The following SLCO3A1 variants were observed in gnomAD, a reference collection of about 807,000 sequenced individuals.
SLCO3A1 encodes the protein solute carrier organic anion transporter family member 3A1.
A neutral mutation model predicts 63.1 loss-of-function variants in SLCO3A1; 27 were observed. The ratio of observed to expected loss-of-function variants is 0.43; its 90% CI spans 0.32 to 0.59. The LOEUF (loss-of-function observed/expected upper bound fraction) is 0.59. Among genes scored for constraint, SLCO3A1 ranks in the 20% least tolerant of loss-of-function variants. The pLI, the probability that SLCO3A1 is intolerant of heterozygous loss-of-function variation, is 0.09. For missense variants in SLCO3A1, 773 were observed against 945.8 expected (o/e 0.82, Z 2.40); for synonymous variants, 473 against 409.9 (o/e 1.15, Z -1.86).
chr15:91,995,275 G>A (rs757750586), intron 2 of SLCO3A1, among the ~76,000 whole-genome samples: 4 of 152,296 alleles, frequency 2.6e-5, no homozygotes, highest in African/African-American at 4.8e-5. Context: ...GCTATCTGAC[G>A]TGAGACTTCG....
intron 2 of SLCO3A1, among the ~76,000 whole-genome samples, chr15:92,091,211 T>G (rs1021003725): frequency 9.9e-5 from 15 of 152,142 alleles, no homozygotes; most frequent in African/African-American, 3.6e-4. Context: ...GCATGTAAAG[T>G]GCTTTCAATT....
At chr15:91,955,742 C>T (rs1215992978) in intron 2 of SLCO3A1, among the ~76,000 whole-genome samples, 2 of 152,204 alleles carry the variant, frequency 1.3e-5, no homozygotes, top group Non-Finnish European at 2.9e-5. Flanking sequence ...TTTGTATTCC[C>T]TCTTCATGGC....
chr15:92,086,698 G>A (rs868203119), intron 2 of SLCO3A1, among the ~76,000 whole-genome samples: 1 of 152,000 alleles, frequency 6.6e-6, no homozygotes, highest in Non-Finnish European at 1.5e-5. Flanking sequence ...TCTTTCAGCC[G>A]GGCGCAGTGG....
chr15:92,144,031 T>C (rs1349878350), intron 7 of SLCO3A1, among the ~76,000 whole-genome samples: 1 of 152,210 alleles, frequency 6.6e-6, no homozygotes, highest in African/African-American at 2.4e-5. Context: ...CGGCGCCAAG[T>C]CGGGAGTGCT....
intron 2 of SLCO3A1, among the ~76,000 whole-genome samples, chr15:92,082,243 A>T (rs1228642375): frequency 6.6e-6 from 1 of 152,232 alleles, no homozygotes. Flanking sequence ...ATTCATGCAC[A>T]TATGATGCAG....
chr15:92,101,080 G>A (rs769609071), intron 3 of SLCO3A1, among the ~76,000 whole-genome samples: 23 of 152,116 alleles, frequency 1.5e-4, no homozygotes, highest in Non-Finnish European at 2.2e-4. Flanking sequence ...CTACCACACC[G>A]TCCTCTTCCA....
At chr15:92,123,052 G>A (rs1028393255) in intron 5 of SLCO3A1, among the ~76,000 whole-genome samples, 1 of 152,198 alleles carries the variant, frequency 6.6e-6, no homozygotes, top group Non-Finnish European at 1.5e-5. Flanking sequence ...AGTTACAGGG[G>A]TGTGTACAGA....
At chr15:92,067,301 G>T (rs191038795) in intron 2 of SLCO3A1, among the ~76,000 whole-genome samples, 3 of 152,158 alleles carry the variant, frequency 2.0e-5, no homozygotes, top group African/African-American at 7.2e-5. Context: ...GGCCAAGTTC[G>T]ATCCCCTCCT....
downstream of SLCO3A1, among the ~76,000 whole-genome samples, chr15:92,168,061 G>C (rs2048502829): frequency 6.6e-6 from 1 of 152,208 alleles, no homozygotes; most frequent in Non-Finnish European, 1.5e-5. Context: ...AAGTGGAAAA[G>C]TTTTGGTCCC....
intron 6 of SLCO3A1, among the ~76,000 whole-genome samples, chr15:92,128,010 C>T (rs1212354448): frequency 6.6e-6 from 1 of 152,284 alleles, no homozygotes. Context: ...CCAACTGCCA[C>T]CAGCCCAGAG....
intron 2 of SLCO3A1, among the ~76,000 whole-genome samples, chr15:91,918,771 T>C (rs188962310): frequency 6.6e-6 from 1 of 152,310 alleles, no homozygotes; most frequent in African/African-American, 2.4e-5. Context: ...CTGAACAGGA[T>C]TGATATAAAA....
In SLCO3A1 at chr15:91,966,296, C is replaced by T. The variant is rs562569753; in HGVS notation, c.646+49838C>T. Among the ~76,000 whole-genome samples the T allele has an allele frequency of 5.3e-5, 8 of 152,218 alleles. No individual in the cohort carries two copies. In the East Asian group the frequency reaches 7.7e-4, roughly 15 times the overall value. On this transcript the variant is annotated intron_variant, in intron 2 of 9. Transcript: ENST00000318445. ...AAAAGAGTTCAGGCTTTGTACTGAC[C>T]GAGGCCAGCACTGACACCAGTGCAG...
chr15:92,091,883 G>A (rs966241254), intron 2 of SLCO3A1, among the ~76,000 whole-genome samples: 2 of 152,202 alleles, frequency 1.3e-5, no homozygotes, highest in African/African-American at 4.8e-5. Flanking sequence ...ACAGGACCTT[G>A]AAAAAGCCAC....
In SLCO3A1 at chr15:91,884,298, T is replaced by C. The variant is rs147756383; in HGVS notation, c.180+30210T>C. ...CTGAGGTGGGTGGATCACCTGAGAT[T>C]GGGAGTTCAAGACCAGACTGGCCAA... On this transcript the variant is annotated intron_variant, in intron 1 of 9. Coordinates refer to ENST00000318445, the MANE Select transcript of SLCO3A1 (RefSeq NM_013272.4). Among the ~76,000 whole-genome samples the C allele has an allele frequency of 2.8e-4, 43 of 152,078 alleles. 1 individual carries two copies. In the East Asian group the frequency reaches 7.5e-3, roughly 27 times the overall value.
chr15:91,988,730 G>A (rs2046087549), intron 2 of SLCO3A1, among the ~76,000 whole-genome samples: 1 of 152,160 alleles, frequency 6.6e-6, no homozygotes. Context: ...CCCAGGTGAT[G>A]CTGATGCTGC....
At chr15:91,873,675 C>A (rs1415180472) in intron 1 of SLCO3A1, among the ~76,000 whole-genome samples, 1 of 152,098 alleles carries the variant, frequency 6.6e-6, no homozygotes, top group Admixed American at 6.6e-5. Flanking sequence ...ATGGTCATTT[C>A]CCTATAAAAC....
At chr15:92,016,477 G>C (rs1477458549) in intron 2 of SLCO3A1, among the ~76,000 whole-genome samples, 1 of 152,140 alleles carries the variant, frequency 6.6e-6, no homozygotes, top group Non-Finnish European at 1.5e-5. Context: ...AAGGCTAAAG[G>C]AAGGAATGTC....
At chr15:92,149,931 T>C (rs1400973946) in intron 8 of SLCO3A1, 1 of 152,172 alleles carries the variant, frequency 6.6e-6, no homozygotes, top group Non-Finnish European at 1.5e-5. Context: ...GACATGGAGC[T>C]GATAATAGCT....
At chr15:91,923,764 A>G (rs1476150708) in intron 2 of SLCO3A1, among the ~76,000 whole-genome samples, 1 of 152,212 alleles carries the variant, frequency 6.6e-6, no homozygotes, top group Non-Finnish European at 1.5e-5. Context: ...TTTTCTTTGT[A>G]TATCGTTTTG....
Sources: allele counts gnomAD v4.1 joint callset (sites outside exome capture counted in the v4.1 genomes callset), GRCh38; gene constraint gnomAD v4.1.1; transcripts MANE v1.5; gene names NCBI Gene and HGNC (gene_info 2026-07-23, HGNC 2026-07-21).